Variants in ARNT2 observed in about 807,000 individuals in gnomAD.
The protein encoded by ARNT2 is ARNT protein 2.
In ARNT2, 36 loss-of-function variants were observed where a neutral mutation model predicts 91.7. That is an observed-to-expected ratio of 0.39 (90% confidence interval 0.30 to 0.52). The LOEUF is 0.52. Among genes scored for constraint, ARNT2 ranks in the 20% least tolerant of loss-of-function variants. The pLI, the probability that ARNT2 is intolerant of heterozygous loss-of-function variation, is 0.72. For missense variants in ARNT2, 775 were observed against 939.3 expected, an observed-to-expected ratio of 0.83 and a Z score of 2.29; for synonymous variants, 365 against 347.1, an observed-to-expected ratio of 1.05 and a Z score of -0.57.
At chr15:80,544,372 G>A (rs1046833719) in intron 8 of ARNT2, among the ~76,000 whole-genome samples, 8 of 152,066 alleles carry the variant, frequency 5.3e-5, no homozygotes, top group East Asian at 3.9e-4. Flanking sequence ...CAGGCTTGTC[G>A]TATTTGTTAC....
Position 80,594,035 on chromosome 15 carries a change from A to T in ARNT2, c.*337A>T. Reference sequence around the variant, plus strand: ...ATTTATACCCATGAAAGTTCAGCCAATGCCCAGAGTGACCAAGCAGCACCA... The same window carrying T: ...ATTTATACCCATGAAAGTTCAGCCATTGCCCAGAGTGACCAAGCAGCACCA... On this transcript the variant is annotated 3_prime_UTR_variant, in exon 19 of 19. Coordinates refer to ENST00000303329, the MANE Select transcript of ARNT2 (RefSeq NM_014862.4). 4.5e-6 allele frequency: 1 copy of T among 221,976 alleles called. No homozygotes were observed. 13.8% of individuals were successfully genotyped at this position (221,976 alleles called of 1,614,324 possible).
intron 18 of ARNT2, among the ~76,000 whole-genome samples, chr15:80,592,700 C>T (rs929698454): frequency 1.3e-5 from 2 of 152,368 alleles, no homozygotes; most frequent in African/African-American, 4.8e-5. Flanking sequence ...TCGCCTGCCT[C>T]CCCTGACTGC....
chr15:80,434,926 G>C (rs1414147069), intron 1 of ARNT2, among the ~76,000 whole-genome samples: 1 of 152,152 alleles, frequency 6.6e-6, no homozygotes, highest in Non-Finnish European at 1.5e-5. Context: ...GGATACAACA[G>C]GGGAGCTGTT....
intron 4 of ARNT2, among the ~76,000 whole-genome samples, chr15:80,472,245 G>C (rs919157595): frequency 6.6e-6 from 1 of 152,150 alleles, no homozygotes; most frequent in Admixed American, 6.5e-5. Flanking sequence ...AGCTGAAATA[G>C]AGTGGAAGTG....
chr15:80,577,989 C>A (rs544723845), intron 15 of ARNT2, among the ~76,000 whole-genome samples: 1 of 152,220 alleles, frequency 6.6e-6, no homozygotes, highest in Non-Finnish European at 1.5e-5. Flanking sequence ...CCGCAGGTCA[C>A]GCTGCTCTGC....
chr15:80,585,839 GA>G (rs1324005292), intron 17 of ARNT2, among the ~76,000 whole-genome samples: 1 of 152,232 alleles, frequency 6.6e-6, no homozygotes, highest in Non-Finnish European at 1.5e-5. Context: ...ACTGCAGGAG[GA>G]AAGAAACACC....
intron 1 of ARNT2, among the ~76,000 whole-genome samples, chr15:80,407,709 C>G (rs1020929066): frequency 1.4e-4 from 21 of 149,606 alleles, no homozygotes; most frequent in South Asian, 6.3e-4. Flanking sequence ...TTTTGTGTGT[C>G]TGTGTGTGTG....
intron 1 of ARNT2, among the ~76,000 whole-genome samples, chr15:80,420,725 C>A (rs1257161420): frequency 6.6e-6 from 1 of 151,830 alleles, no homozygotes; most frequent in Non-Finnish European, 1.5e-5. Context: ...TATATATGTA[C>A]ATATGTTCAT....
At chr15:80,519,878 T>TA (rs1247600616) in intron 8 of ARNT2, among the ~76,000 whole-genome samples, 2 of 149,938 alleles carry the variant, frequency 1.3e-5, no homozygotes, top group Non-Finnish European at 1.5e-5. Context: ...TTTTTTTTTT[T>TA]TACTAGAGAT....
intron 12 of ARNT2, among the ~76,000 whole-genome samples, chr15:80,564,678 T>A: frequency 2.1e-5 from 1 of 47,094 alleles, no homozygotes; most frequent in Non-Finnish European, 4.3e-5. Flanking sequence ...CTTCCCTCCC[T>A]CCCACCCTCC....
At chr15:80,536,187 C>A (rs1350253789) in intron 8 of ARNT2, among the ~76,000 whole-genome samples, 1 of 152,166 alleles carries the variant, frequency 6.6e-6, no homozygotes, top group Non-Finnish European at 1.5e-5. Flanking sequence ...GTTTAACAGG[C>A]AAAAGAAAGA....
intron 1 of ARNT2, among the ~76,000 whole-genome samples, chr15:80,409,543 A>G (rs184853456): frequency 6.6e-6 from 1 of 151,836 alleles, no homozygotes; most frequent in Admixed American, 6.5e-5. Flanking sequence ...CTAGGGGCTA[A>G]TACTTACTGA....
At chr15:80,442,527 C>T (rs1036835349) in intron 1 of ARNT2, among the ~76,000 whole-genome samples, 2 of 152,228 alleles carry the variant, frequency 1.3e-5, no homozygotes, top group Non-Finnish European at 2.9e-5. Flanking sequence ...TTTGCAAATG[C>T]TGCTTATAAT....
In ARNT2 at chr15:80,597,175, G is replaced by A. The variant is rs770930835; in HGVS notation, c.*3477G>A. On this transcript the variant is annotated 3_prime_UTR_variant, in exon 19 of 19. Coordinates refer to ENST00000303329, the MANE Select transcript of ARNT2 (RefSeq NM_014862.4). ...CATCAGTGTCCTTCTAGCTTTAGCCGAGAAAGAAACCAGTCCCAGGGAATG... is the reference window on the plus strand; with the variant it reads ...CATCAGTGTCCTTCTAGCTTTAGCCAAGAAAGAAACCAGTCCCAGGGAATG... 2.7e-5 allele frequency: 14 copies of A among 518,552 alleles called. No homozygotes were observed. The Middle Eastern group carries it at 1.3e-3, about 47-fold the overall frequency. 32.1% of individuals were successfully genotyped at this position (518,552 alleles called of 1,614,324 possible).
At chr15:80,511,210 G>T (rs1220790578) in intron 6 of ARNT2, among the ~76,000 whole-genome samples, 2 of 152,086 alleles carry the variant, frequency 1.3e-5, no homozygotes, top group African/African-American at 4.8e-5. Flanking sequence ...AAAAGAAAAA[G>T]ATCATGTCCT....
chr15:80,585,675 C>T (rs1179920696), intron 17 of ARNT2, among the ~76,000 whole-genome samples: 1 of 152,146 alleles, frequency 6.6e-6, no homozygotes, highest in Non-Finnish European at 1.5e-5. Flanking sequence ...GCAGATGGAC[C>T]AGAAATGGTC....
chr15:80,476,808 T>C (rs1419361409), intron 5 of ARNT2, among the ~76,000 whole-genome samples: 1 of 152,228 alleles, frequency 6.6e-6, no homozygotes, highest in African/African-American at 2.4e-5. Context: ...ATAAACCGAA[T>C]AGCTTTTATG....
Position 80,478,337 on chromosome 15 carries a change from G to C in ARNT2, c.622+3114G>C, listed in dbSNP as rs540654403. ...GCTCTGGCCAAGGGTGTAGCCAGCTGGTTCATCATAGTTGGGTGGACATTT... is the reference window on the plus strand; with the variant it reads ...GCTCTGGCCAAGGGTGTAGCCAGCTCGTTCATCATAGTTGGGTGGACATTT... On this transcript the variant is annotated intron_variant, in intron 5 of 18. Coordinates refer to ENST00000303329, the MANE Select transcript of ARNT2 (RefSeq NM_014862.4). Among the ~76,000 whole-genome samples, 124 of 152,338 alleles carry C rather than the reference G, an allele frequency of 8.1e-4. 1 individual carries two copies. The highest frequency in any genetic ancestry group is 8.0e-3 in the Admixed American group (123 of 15,306).
At chr15:80,568,692 A>G (rs1034157213) in intron 12 of ARNT2, among the ~76,000 whole-genome samples, 2 of 152,188 alleles carry the variant, frequency 1.3e-5, no homozygotes, top group Non-Finnish European at 2.9e-5. Flanking sequence ...TCTGGGAGCT[A>G]TCCTGGATCC....
Sources: gnomAD v4.1 joint callset for allele counts (sites outside exome capture counted in the v4.1 genomes callset) on GRCh38, gnomAD v4.1.1 for gene constraint, MANE v1.5 for transcripts, NCBI Gene and HGNC (gene_info 2026-07-23, HGNC 2026-07-21) for gene names.